LRIT2: variants seen among roughly 807,000 people sequenced by gnomAD.
LRIT2 encodes the protein leucine-rich repeat, immunoglobulin-like domain and transmembrane domain-containing protein 2.
In LRIT2, 23 loss-of-function variants were observed where a neutral mutation model predicts 22.4. That is an observed-to-expected ratio of 1.03 (90% confidence interval 0.74 to 1.45). LRIT2 has a LOEUF of 1.45. LRIT2 is among the 40% of genes most tolerant of loss of function. The probability of loss-of-function intolerance (pLI) is 0.00; values close to 1 mark genes in which losing one functional copy is unlikely to be tolerated. For missense variants in LRIT2, 784 were observed against 665.6 expected, an observed-to-expected ratio of 1.18 and a Z score of -1.96; for synonymous variants, 291 against 267.1, an observed-to-expected ratio of 1.09 and a Z score of -0.87.
intron 2 of LRIT2, 62 bp downstream of exon 2, chr10:84,224,271 A>G (rs1842538602): frequency 4.0e-6 from 6 of 1,512,010 alleles, no homozygotes; most frequent in African/African-American, 1.4e-5. Context: ...TCTAATGAGG[A>G]TGGGTTTGCT....
In LRIT2 at chr10:84,221,926, G is replaced by T; in HGVS notation, c.1647C>A (p.Asn549Lys). Residue 549 changes from asparagine to lysine, a missense_variant, in exon 3 of 3, where the codon AAC becomes AAA. Physicochemically the swap from Asn to Lys is moderately conservative, Grantham distance 94 (BLOSUM62 0). Transcript: ENST00000372113. Reference protein sequence around the residue: ...GDKEKGGTEDNS With the variant: ...GDKEKGGTEDKS The stretch of plus-strand genomic sequence containing the variant: ...ACCCCATGGCCTGGGTTGTTCAGCT[G>T]TTGTCTTCCGTTCCTCCTTTCTCCT... 6.6e-7 allele frequency: 1 copy of T among 1,523,614 alleles called. No individual in the cohort carries two copies. Among genetic ancestry groups the T allele is most frequent in the Non-Finnish European group, 8.8e-7 (1 of 1,134,448 alleles). 94.4% of individuals were successfully genotyped at this position (1,523,614 alleles called of 1,614,324 possible). A position where few individuals can be genotyped will look rare whatever the true frequency, so the allele number is the denominator to read the frequency against.
At position 84,225,484 on chromosome 10, in the gene LRIT2, C is replaced by T. The variant is rs1322718191; in HGVS notation, c.37G>A (p.Val13Ile). The change falls in exon 1 of 3, where the codon GTC becomes ATC. Residue 13 changes from valine to isoleucine, a missense_variant. Coordinates refer to ENST00000372113, the MANE Select transcript of LRIT2 (RefSeq NM_001017924.5). ...TGAGCTGCGTGTGTATCCAGAAAGA[C>T]CAGAACTAACAGGAAGTAATGAAAA... ...SVFHYFLLVLVFLDTHAAQPF... is the reference protein window; with the variant it reads ...SVFHYFLLVLIFLDTHAAQPF... The T allele has an allele frequency of 1.9e-6, 3 of 1,614,036 alleles. No individual in the cohort carries two copies. The highest frequency in any genetic ancestry group is 1.6e-4 in the Middle Eastern group (1 of 6,084).
rs748493791 is a variant in LRIT2, at chr10:84,225,091, G to A, written c.134C>T (p.Ser45Phe). Residue 45 changes from serine to phenylalanine, a missense_variant, in exon 2 of 3, where the codon TCC becomes TTC. Ser to Phe is a radical substitution (Grantham distance 155). Transcript: ENST00000372113. ...AAGGTTCCCAGGGATCTTTCCCAAG[G>A]AGACAGATGTGCACTGCAGAGTCCT... ...FGRTLQCTSV[S>F]LGKIPGNLSE... is the part of the protein sequence containing the mutation. The A allele has an allele frequency of 1.2e-6, 2 of 1,613,438 alleles. No individual in the cohort carries two copies. The highest frequency in any genetic ancestry group is 1.1e-5 in the South Asian group (1 of 90,950).
upstream of LRIT2, chr10:84,225,548 GT>G (rs769877599): frequency 9.9e-6 from 16 of 1,608,988 alleles, 1 homozygote; most frequent in South Asian, 1.8e-4. Flanking sequence ...TACGTTGTGA[GT>G]TTTGAATAAG....
intron 2 of LRIT2, among the ~76,000 whole-genome samples, 165 bp downstream of exon 2, chr10:84,224,168 C>T (rs1027699668): frequency 5.9e-5 from 9 of 152,200 alleles, no homozygotes; most frequent in Admixed American, 2.0e-4. Flanking sequence ...TGGAACACTA[C>T]CTTGAAATCT....
intron 2 of LRIT2, among the ~76,000 whole-genome samples, chr10:84,223,134 T>C (rs1229000368): frequency 6.6e-6 from 1 of 152,222 alleles, no homozygotes; most frequent in Admixed American, 6.5e-5. Flanking sequence ...GCACAGTTCC[T>C]CAGAGCCTGG....
At chr10:84,223,207 G>A (rs1450434290) in intron 2 of LRIT2, among the ~76,000 whole-genome samples, 1 of 152,142 alleles carries the variant, frequency 6.6e-6, no homozygotes, top group African/African-American at 2.4e-5. Context: ...TGGGCAAGTT[G>A]CTTAAATTCT....
chr10:84,222,891 A>G lies in LRIT2; in HGVS notation c.893-211T>C, dbSNP rs1589316553. 4 of 710,356 alleles carry G rather than the reference A, an allele frequency of 5.6e-6. No individual in the cohort carries two copies. The East Asian group carries it at 8.0e-5, about 14-fold the overall frequency. 44.0% of individuals were successfully genotyped at this position (710,356 alleles called of 1,614,324 possible). On this transcript the variant is annotated intron_variant, in intron 2 of 2. Transcript: ENST00000372113. ...TAAATAACTGATCTTTACACATAGG[A>G]TATTGAGGATTGGAGCAATCCATCA...
At chr10:84,220,506 T>G (rs371672806), downstream of LRIT2, 1 of 152,212 alleles carries the variant, frequency 6.6e-6, no homozygotes, top group Admixed American at 6.5e-5. Context: ...ATTTAGAGTT[T>G]TTTTTTCTAA....
Position 84,222,221 on chromosome 10 carries a change from C to T in LRIT2, c.1352G>A (p.Gly451Asp). The change falls in exon 3 of 3, where the codon GGC (glycine) becomes GAC (aspartate). Residue 451 changes from glycine to aspartate, a missense_variant. Coordinates refer to ENST00000372113, the MANE Select transcript of LRIT2 (RefSeq NM_001017924.5). ...HQGQCVAFVT[G>D]RDAGGLEARE... is the part of the protein sequence containing the mutation. ...TGCCTCTAGCCCACCAGCATCTCTG[C>T]CTGTTACAAAAGCTACACACTGGCC... The T allele has an allele frequency of 1.2e-6, 2 of 1,614,240 alleles. No individual in the cohort carries two copies. The highest frequency in any genetic ancestry group is 1.6e-4 in the Middle Eastern group (1 of 6,062).
In LRIT2 at chr10:84,222,610, G is replaced by C. The variant is rs1842523094; in HGVS notation, c.963C>G (p.Asp321Glu). 3 of 1,613,998 alleles carry C rather than the reference G, an allele frequency of 1.9e-6. No homozygotes were observed. Among genetic ancestry groups the C allele is most frequent in the Non-Finnish European group, 2.5e-6 (3 of 1,180,022 alleles). ...ELAIPAAHLV[D>E]SGNYTCMASN... ...AGGCCATGCAGGTGTAATTACCACT[G>C]TCTACCAGGTGGGCAGCAGGTATGG... Residue 321 changes from aspartate (D) to glutamate (E), a missense_variant, in exon 3 of 3, where the codon GAC becomes GAG. Asp to Glu is a conservative substitution (Grantham distance 45, BLOSUM62 2). Coordinates refer to ENST00000372113, the MANE Select transcript of LRIT2 (RefSeq NM_001017924.5).
intron 2 of LRIT2, among the ~76,000 whole-genome samples, chr10:84,223,954 A>G (rs1049584225): frequency 6.6e-6 from 1 of 152,392 alleles, no homozygotes; most frequent in Non-Finnish European, 1.5e-5. Context: ...TCTAAAATCA[A>G]TCCTAGTAAA....
Position 84,224,666 on chromosome 10 carries a change from C to G in LRIT2, c.559G>C (p.Ala187Pro), listed in dbSNP as rs1162942142. The G allele has an allele frequency of 6.2e-7, 1 of 1,614,166 alleles. No homozygotes were observed. Among genetic ancestry groups the G allele is most frequent in the East Asian group, 2.2e-5 (1 of 44,884 alleles). ...ACCACCAGGCTGGAGAGAATCTCAGCCCCACAGTCAGGCTGCCGGCATTTC... is the reference window on the plus strand; with the variant it reads ...ACCACCAGGCTGGAGAGAATCTCAGGCCCACAGTCAGGCTGCCGGCATTTC... The part of the protein sequence containing the change: ...YQKCRQPDCG[A>P]EILSSLVVAL... Residue 187 changes from alanine to proline, a missense_variant, in exon 2 of 3, where the codon GCT becomes CCT. Transcript: ENST00000372113.
At position 84,224,323 on chromosome 10, in the gene LRIT2, T is replaced by C. The variant is rs1410692787; in HGVS notation, c.892+10A>G. The C allele has an allele frequency of 6.2e-7, 1 of 1,604,502 alleles. No individual in the cohort carries two copies. Among genetic ancestry groups the C allele is most frequent in the East Asian group, 2.2e-5 (1 of 44,794 alleles). On this transcript the variant is annotated intron_variant, in intron 2 of 2. Coordinates refer to ENST00000372113, the MANE Select transcript of LRIT2 (RefSeq NM_001017924.5). ...CCTCCAGATACACTGAGAGGGTGCA[T>C]GTGGCTTACCATCAAATTCTCTCCA... is the stretch of plus-strand genomic sequence containing the variant.
At position 84,222,474 on chromosome 10, in the gene LRIT2, C is replaced by T. The variant is rs545949999; in HGVS notation, c.1099G>A (p.Asp367Asn). 6.2e-7 allele frequency: 1 copy of T among 1,614,006 alleles called. No homozygotes were observed. Among genetic ancestry groups the T allele is most frequent in the South Asian group, 1.1e-5 (1 of 91,068 alleles). The change falls in exon 3 of 3, where the codon GAC becomes AAC. Residue 367 changes from aspartate (D) to asparagine (N), a missense_variant. Physicochemically the swap from Asp to Asn is conservative, Grantham distance 23. Coordinates refer to ENST00000372113, the MANE Select transcript of LRIT2 (RefSeq NM_001017924.5). ...SIPSEGNAYI[D>N]LRVVKQTVHG... ...ACTGTCTGCTTGACAACCCGCAGGT[C>T]AATGTAGGCATTGCCCTCCGAGGGG...
intron 2 of LRIT2, 133 bp downstream of exon 2, chr10:84,224,200 T>C: frequency 2.5e-6 from 2 of 812,466 alleles, no homozygotes. Flanking sequence ...GTGAGCATAA[T>C]TCAGGGCTAT....
At chr10:84,225,382 C>T in intron 1 of LRIT2, 29 bp downstream of exon 1, 1 of 1,607,788 alleles carries the variant, frequency 6.2e-7, no homozygotes, top group Non-Finnish European at 8.5e-7. Flanking sequence ...TTCCCCATAA[C>T]CCTCTAACAT....
In LRIT2 at chr10:84,225,472, T is replaced by C. The variant is rs1239739105; in HGVS notation, c.49A>G (p.Thr17Ala). The change falls in exon 1 of 3, where the codon ACA becomes GCA. Residue 17 changes from threonine (T) to alanine (A), a missense_variant. By Grantham distance (58) the Thr-to-Ala change is moderately conservative (BLOSUM62 0). Coordinates refer to ENST00000372113, the MANE Select transcript of LRIT2 (RefSeq NM_001017924.5). ...YFLLVLVFLD[T>A]HAAQPFCLPG... ...AGACAGAAAGGCTGAGCTGCGTGTG[T>C]ATCCAGAAAGACCAGAACTAACAGG... 1 of 1,614,102 alleles carries C rather than the reference T, an allele frequency of 6.2e-7. No homozygotes were observed. The highest frequency in any genetic ancestry group is 8.5e-7 in the Non-Finnish European group (1 of 1,180,052).
At position 84,222,530 on chromosome 10, in the gene LRIT2, TG is replaced by T; in HGVS notation, c.1042del (p.Gln348ArgfsTer88). On this transcript the variant is annotated frameshift_variant, in exon 3 of 3. Transcript: ENST00000372113. LOFTEE classifies it low-confidence loss of function (END_TRUNC). ...LVISLHVQPA[Q>X]ALHAPDSLSI... ...AAGAGAATCAGGTGCATGTAGGGCC[TG>T]GGCAGGCTGGACATGGAGAGAGATT... is the stretch of plus-strand genomic sequence containing the variant. 6.2e-6 allele frequency: 10 copies of T among 1,613,994 alleles called. No individual in the cohort carries two copies. The highest frequency in any genetic ancestry group is 8.5e-6 in the Non-Finnish European group (10 of 1,180,020).
Sources: gnomAD v4.1 joint callset for allele counts (sites outside exome capture counted in the v4.1 genomes callset) on GRCh38, gnomAD v4.1.1 for gene constraint, MANE v1.5 for transcripts, NCBI Gene and HGNC (gene_info 2026-07-23, HGNC 2026-07-21) for gene names.